FSD1L: variants seen among roughly 807,000 people sequenced by gnomAD.
FSD1L encodes the protein fibronectin type III and SPRY domain containing 1 like.
In FSD1L, 45 loss-of-function variants were observed where a neutral mutation model predicts 71.6. The observed-to-expected ratio is 0.63, with a 90% CI of 0.49 to 0.81. The LOEUF is 0.81. Among genes scored for constraint, FSD1L ranks in the 30% least tolerant of loss-of-function variants. FSD1L has a pLI of 0.00. For synonymous variants in FSD1L, 197 were observed against 207.2 expected (o/e 0.95, Z 0.42); for missense variants, 561 against 618.1 (o/e 0.91, Z 0.98).
At chr9:105,531,867 T>C (rs1835914928) in intron 10 of FSD1L, among the ~76,000 whole-genome samples, 1 of 152,236 alleles carries the variant, frequency 6.6e-6, no homozygotes, top group Non-Finnish European at 1.5e-5. Flanking sequence ...TTATATACCG[T>C]GTTGAAACAA....
intron 8 of FSD1L, among the ~76,000 whole-genome samples, chr9:105,506,879 C>G (rs1229332482): frequency 6.6e-6 from 1 of 151,704 alleles, no homozygotes; most frequent in Non-Finnish European, 1.5e-5. Flanking sequence ...TCAAGTAATT[C>G]TCCCACCTCA....
chr9:105,544,319 G>A (rs1016993302), intron 13 of FSD1L, among the ~76,000 whole-genome samples: 1 of 152,130 alleles, frequency 6.6e-6, no homozygotes, highest in East Asian at 1.9e-4. Context: ...GTAGATTCTG[G>A]ATATTAGCCC....
chr9:105,449,979 A>G (rs1456705237), intron 1 of FSD1L, among the ~76,000 whole-genome samples: 9 of 152,254 alleles, frequency 5.9e-5, no homozygotes, highest in Non-Finnish European at 1.2e-4. Flanking sequence ...CAACTTCTCA[A>G]TATTAGAAAA....
At chr9:105,517,493 T>TG (rs923118747) in intron 10 of FSD1L, among the ~76,000 whole-genome samples, 24 of 152,080 alleles carry the variant, frequency 1.6e-4, no homozygotes, top group African/African-American at 5.3e-4. Flanking sequence ...CAGAAGAGAG[T>TG]GGGGGCCAAT....
intron 6 of FSD1L, among the ~76,000 whole-genome samples, chr9:105,483,936 C>G (rs955907343): frequency 6.6e-6 from 1 of 152,132 alleles, no homozygotes; most frequent in East Asian, 1.9e-4. Context: ...TGGGATAGCT[C>G]TTATTACTAG....
intron 13 of FSD1L, among the ~76,000 whole-genome samples, chr9:105,542,731 C>T (rs1400286283): frequency 6.6e-6 from 1 of 152,236 alleles, no homozygotes; most frequent in Non-Finnish European, 1.5e-5. Flanking sequence ...CCTGGGATTA[C>T]AGGCATGAGC....
At chr9:105,488,815 T>C (rs1461354939) in intron 7 of FSD1L, among the ~76,000 whole-genome samples, 1 of 142,632 alleles carries the variant, frequency 7.0e-6, no homozygotes, top group African/African-American at 2.6e-5. Context: ...TTTTTTTACA[T>C]TGGGTTTTTT....
At position 105,546,346 on chromosome 9, in the gene FSD1L, GTCTTT is replaced by G. The variant is rs1396396030; in HGVS notation, c.1468-7_1468-3del. On this transcript the variant is annotated splice_polypyrimidine_tract_variant and splice_region_variant and intron_variant, in intron 13 of 13. Transcript: ENST00000481272. ...GATTTGCAATCTGACAGGTTTTTTT[GTCTTT>G]TCTTAGGTATGGTGTGGTGGACTTT... 14 of 1,505,642 alleles carry G rather than the reference GTCTTT, an allele frequency of 9.3e-6. No homozygotes were observed. The highest frequency in any genetic ancestry group is 1.4e-5 in the African/African-American group (1 of 70,062). 93.3% of individuals were successfully genotyped at this position (1,505,642 alleles called of 1,614,324 possible). A position where few individuals can be genotyped will look rare whatever the true frequency, so the allele number is the denominator to read the frequency against.
chr9:105,498,541 A>C (rs1833567462), intron 7 of FSD1L, among the ~76,000 whole-genome samples: 1 of 152,208 alleles, frequency 6.6e-6, no homozygotes, highest in African/African-American at 2.4e-5. Context: ...AAAAAAATAC[A>C]GTCAAAATAT....
intron 7 of FSD1L, among the ~76,000 whole-genome samples, chr9:105,499,551 A>G (rs954886516): frequency 4.6e-5 from 7 of 151,792 alleles, no homozygotes; most frequent in Non-Finnish European, 1.0e-4. Flanking sequence ...GCTCCTCTAT[A>G]GGTAAGGTCC....
intron 13 of FSD1L, among the ~76,000 whole-genome samples, chr9:105,540,534 CATTTAG>C (rs1325659054): frequency 6.6e-6 from 1 of 152,084 alleles, no homozygotes; most frequent in Non-Finnish European, 1.5e-5. Context: ...TTACCTTGTA[CATTTAG>C]ATATAGACTG....
Position 105,524,509 on chromosome 9 carries a change from A to G in FSD1L, c.1026-9984A>G, listed in dbSNP as rs1835383301. On this transcript the variant is annotated intron_variant, in intron 10 of 13. Coordinates refer to ENST00000481272, the MANE Select transcript of FSD1L (RefSeq NM_001145313.3). The stretch of plus-strand genomic sequence containing the variant: ...TTTCATGCTACGGGAGCAGAAAGCG[A>G]TAAAACAGAAAAATCTGTTCTCAAT... 5 of 1,613,770 alleles carry G rather than the reference A, an allele frequency of 3.1e-6. No individual in the cohort carries two copies. In the African/African-American group the frequency reaches 4.0e-5, roughly 13 times the overall value.
At position 105,524,542 on chromosome 9, in the gene FSD1L, A is replaced by G. The variant is rs1050704952; in HGVS notation, c.1026-9951A>G. The G allele has an allele frequency of 3.1e-6, 5 of 1,613,918 alleles. No homozygotes were observed. In the African/African-American group the frequency reaches 6.7e-5, roughly 22 times the overall value. On this transcript the variant is annotated intron_variant, in intron 10 of 13. Coordinates refer to ENST00000481272, the MANE Select transcript of FSD1L (RefSeq NM_001145313.3). ...GAAAAATCTGTTCTCAATTGCATTT[A>G]TAAGGTTTTACATGGGTGTGTTTAT...
intron 10 of FSD1L, chr9:105,520,483 C>A: frequency 9.4e-7 from 1 of 1,066,952 alleles, no homozygotes; most frequent in Non-Finnish European, 1.5e-6. Context: ...TCACAAGTCT[C>A]AAAGAGAGGA....
intron 12 of FSD1L, among the ~76,000 whole-genome samples, chr9:105,538,706 G>T (rs1404506365): frequency 6.6e-6 from 1 of 152,124 alleles, no homozygotes; most frequent in East Asian, 1.9e-4. Flanking sequence ...GGAGACTGAG[G>T]TGGAGGATTG....
At position 105,535,189 on chromosome 9, in the gene FSD1L, A is replaced by G. The variant is rs995219384; in HGVS notation, c.1249A>G (p.Asn417Asp). ...GAAATTTGACCAATTGGGAAAGACA[A>G]ACACTAGTTGGTGTATCCATGTCAA... Reference protein sequence around the residue: ...LGKFDQLGKTNTSWCIHVNNW... With the variant: ...LGKFDQLGKTDTSWCIHVNNW... Residue 417 changes from asparagine (N) to aspartate (D), a missense_variant, in exon 12 of 14, where the codon AAC becomes GAC. Around this residue, in one of 3 missense-constraint regions of FSD1L, gnomAD observed 53 missense variants for 102.2 expected, o/e 0.52. Transcript: ENST00000481272. 17 of 1,551,960 alleles carry G rather than the reference A, an allele frequency of 1.1e-5. No homozygotes were observed. Among genetic ancestry groups the G allele is most frequent in the Non-Finnish European group, 1.3e-5 (15 of 1,147,070 alleles).
chr9:105,498,881 G>A (rs1481855804), intron 7 of FSD1L, among the ~76,000 whole-genome samples: 2 of 152,122 alleles, frequency 1.3e-5, no homozygotes, highest in Non-Finnish European at 2.9e-5. Context: ...CCCTCCCAAA[G>A]TGCAAAGATT....
intron 5 of FSD1L, among the ~76,000 whole-genome samples, chr9:105,476,931 T>TA (rs1254844897): frequency 6.6e-6 from 1 of 152,206 alleles, no homozygotes. Flanking sequence ...AATTTGAACC[T>TA]AAATGAAAGT....
intron 10 of FSD1L, among the ~76,000 whole-genome samples, chr9:105,527,557 T>A (rs1444815098): frequency 1.4e-4 from 22 of 152,170 alleles, no homozygotes; most frequent in African/African-American, 4.8e-4. Flanking sequence ...AAATGTAGCA[T>A]GATATTGGTA....
Sources: allele counts gnomAD v4.1 joint callset (sites outside exome capture counted in the v4.1 genomes callset), GRCh38; gene constraint gnomAD v4.1.1; regional missense constraint gnomAD v4.1.1; transcripts MANE v1.5; gene names NCBI Gene and HGNC (gene_info 2026-07-23, HGNC 2026-07-21).